INPP4B: variants seen among roughly 807,000 people sequenced by gnomAD.
The protein encoded by INPP4B is inositol polyphosphate 4-phosphatase type II.
A neutral mutation model predicts 122.5 loss-of-function variants in INPP4B; 55 were observed. That is an observed-to-expected ratio of 0.45 (90% CI 0.36 to 0.56). The LOEUF is 0.56. Among genes scored for constraint, INPP4B ranks in the 20% least tolerant of loss-of-function variants. The pLI, the probability that INPP4B is intolerant of heterozygous loss-of-function variation, is 0.00. For missense variants in INPP4B, 1,000 were observed against 1,097.7 expected, an observed-to-expected ratio of 0.91 and a Z score of 1.26; for synonymous variants, 403 against 388.7, an observed-to-expected ratio of 1.04 and a Z score of -0.43.
rs976551508 is a variant in INPP4B, at chr4:142,558,523, G to C, written c.-190-95797C>G. On this transcript the variant is annotated intron_variant, in intron 2 of 25. Coordinates refer to ENST00000262992, the MANE Select transcript of INPP4B (RefSeq NM_001101669.3). ...ATATATCTAAATATAAAGCCTAAAA[G>C]TGAAGAAATTCTATAATCCATAGGT... Among the ~76,000 whole-genome samples, 3 of 151,980 alleles carry C rather than the reference G, an allele frequency of 2.0e-5. No homozygotes were observed. The South Asian group carries it at 6.2e-4, about 32-fold the overall frequency.
At chr4:142,821,104 C>T (rs995765251) in intron 1 of INPP4B, among the ~76,000 whole-genome samples, 7 of 152,042 alleles carry the variant, frequency 4.6e-5, no homozygotes, top group East Asian at 1.9e-4. Context: ...CAGGCTTGCT[C>T]CTTTGGTCAG....
rs146176210 is a variant in INPP4B, at chr4:142,226,417, C to A, written c.836+11447G>T. On this transcript the variant is annotated intron_variant, in intron 12 of 25. Transcript: ENST00000262992. ...AGAGGTTGTTTTTTGATAGTTAGTC[C>A]CTTACATATCATGATTATGGAATAA... Among the ~76,000 whole-genome samples the A allele has an allele frequency of 5.6e-3, 855 of 152,166 alleles. 5 individuals are homozygous for A. The highest frequency in any genetic ancestry group is 9.5e-3 in the Non-Finnish European group (645 of 67,996).
intron 14 of INPP4B, among the ~76,000 whole-genome samples, chr4:142,199,619 C>T (rs1430361357): frequency 6.6e-6 from 1 of 152,020 alleles, no homozygotes; most frequent in Non-Finnish European, 1.5e-5. Flanking sequence ...GTCAGGTCTT[C>T]TCAAGCTCCT....
intron 2 of INPP4B, among the ~76,000 whole-genome samples, chr4:142,660,126 C>A (rs1754894625): frequency 6.6e-6 from 1 of 152,156 alleles, no homozygotes; most frequent in Admixed American, 6.5e-5. Context: ...AAGCTACTGA[C>A]ATTAGGTGGG....
chr4:142,355,929 A>C (rs1451191033), intron 7 of INPP4B, among the ~76,000 whole-genome samples: 1 of 151,666 alleles, frequency 6.6e-6, no homozygotes, highest in Non-Finnish European at 1.5e-5. Context: ...TCTTAACCTC[A>C]AGAGAAATGA....
intron 21 of INPP4B, among the ~76,000 whole-genome samples, chr4:142,114,688 G>C (rs771256878): frequency 5.9e-5 from 9 of 151,906 alleles, no homozygotes; most frequent in Non-Finnish European, 1.3e-4. Context: ...TATAGGATTT[G>C]TAAATATTAT....
intron 2 of INPP4B, among the ~76,000 whole-genome samples, chr4:142,540,651 A>G (rs1828830717): frequency 6.6e-6 from 1 of 152,176 alleles, no homozygotes; most frequent in African/African-American, 2.4e-5. Context: ...AAAGTAATTA[A>G]TATGGATTGA....
At chr4:142,565,939 C>A (rs1470433837) in intron 2 of INPP4B, 1 of 152,164 alleles carries the variant, frequency 6.6e-6, no homozygotes, top group Non-Finnish European at 1.5e-5. Flanking sequence ...GTCAGAGCCT[C>A]ATCGACCTAG....
At chr4:142,104,897 A>G (rs993550861) in intron 23 of INPP4B, among the ~76,000 whole-genome samples, 1 of 152,126 alleles carries the variant, frequency 6.6e-6, no homozygotes, top group African/African-American at 2.4e-5. Flanking sequence ...TATTTTTGTC[A>G]TTGCATATTT....
intron 25 of INPP4B, among the ~76,000 whole-genome samples, chr4:142,063,734 T>G (rs979246147): frequency 2.0e-5 from 3 of 152,206 alleles, no homozygotes; most frequent in Non-Finnish European, 4.4e-5. Flanking sequence ...TCATCTTCCT[T>G]TCATCTTAGC....
intron 2 of INPP4B, among the ~76,000 whole-genome samples, chr4:142,566,790 C>G (rs982285663): frequency 1.3e-5 from 2 of 152,190 alleles, no homozygotes; most frequent in Admixed American, 6.5e-5. Flanking sequence ...TTGAAAAGAA[C>G]TGTAAACCTC....
At chr4:142,836,925 G>GT (rs1476156726) in intron 1 of INPP4B, among the ~76,000 whole-genome samples, 1 of 152,100 alleles carries the variant, frequency 6.6e-6, no homozygotes, top group Non-Finnish European at 1.5e-5. Flanking sequence ...CAGCACTTTG[G>GT]GAGGCCGAGG....
At chr4:142,418,670 G>A (rs1257261082) in intron 5 of INPP4B, among the ~76,000 whole-genome samples, 1 of 152,142 alleles carries the variant, frequency 6.6e-6, no homozygotes, top group Non-Finnish European at 1.5e-5. Flanking sequence ...ACCTATTTGA[G>A]AAGCAGAAAG....
chr4:142,537,453 G>T (rs1239723418), intron 2 of INPP4B, among the ~76,000 whole-genome samples: 2 of 117,906 alleles, frequency 1.7e-5, no homozygotes, highest in East Asian at 5.3e-4. Context: ...GAGAGAGAGA[G>T]AGAGAGAGAG....
chr4:142,263,313 T>C (rs775144933), intron 10 of INPP4B, among the ~76,000 whole-genome samples: 22 of 152,254 alleles, frequency 1.4e-4, no homozygotes, highest in Middle Eastern at 6.8e-3. Context: ...CTTTCTCTAA[T>C]AGCATTGTCT....
chr4:142,646,122 T>C (rs886786464), intron 2 of INPP4B, among the ~76,000 whole-genome samples: 2 of 152,342 alleles, frequency 1.3e-5, no homozygotes, highest in Non-Finnish European at 2.9e-5. Flanking sequence ...TTGTTTGTAG[T>C]CATAGTTATA....
chr4:142,551,875 G>T (rs560145759), intron 2 of INPP4B, among the ~76,000 whole-genome samples: 1 of 152,278 alleles, frequency 6.6e-6, no homozygotes, highest in Non-Finnish European at 1.5e-5. Flanking sequence ...TATTTTTGAG[G>T]TTAGAAATAC....
At chr4:142,037,984 C>A (rs899833695) in intron 25 of INPP4B, among the ~76,000 whole-genome samples, 1 of 152,110 alleles carries the variant, frequency 6.6e-6, no homozygotes, top group African/African-American at 2.4e-5. Flanking sequence ...AGTAAAGAAT[C>A]TTGAGAACAC....
chr4:142,372,947 T>C (rs1361752021), intron 7 of INPP4B, among the ~76,000 whole-genome samples: 1 of 151,992 alleles, frequency 6.6e-6, no homozygotes, highest in African/African-American at 2.4e-5. Context: ...TGACCTACCT[T>C]CTATAACTGC....
Sources: gnomAD v4.1 joint callset for allele counts (sites outside exome capture counted in the v4.1 genomes callset) on GRCh38, gnomAD v4.1.1 for gene constraint, MANE v1.5 for transcripts, NCBI Gene and HGNC (gene_info 2026-07-23, HGNC 2026-07-21) for gene names.